PLCB4: variants seen among roughly 807,000 people sequenced by gnomAD.
PLCB4 encodes the protein phospholipase C beta 4, also known as 1-phosphatidylinositol 4,5-bisphosphate phosphodiesterase beta-4.
PLCB4 carries 77 observed loss-of-function variants against 178.8 expected under a neutral mutation model. The ratio of observed to expected loss-of-function variants is 0.43; its 90% CI spans 0.36 to 0.52. The LOEUF is 0.52. Ranked by LOEUF, PLCB4 falls within the 20% of genes least tolerant of loss-of-function variation. PLCB4 has a pLI of 0.00. For missense variants in PLCB4, 1,024 were observed against 1,453.4 expected (o/e 0.70, Z 4.80); for synonymous variants, 496 against 490.8 (o/e 1.01, Z -0.14).
At chr20:9,391,045 C>T (rs1488443797) in intron 17 of PLCB4, among the ~76,000 whole-genome samples, 8 of 152,240 alleles carry the variant, frequency 5.3e-5, no homozygotes, top group South Asian at 4.1e-4. Flanking sequence ...TATATGCACC[C>T]GGTATTCAGA....
intron 2 of PLCB4, among the ~76,000 whole-genome samples, chr20:9,125,537 T>G (rs531385140): frequency 2.0e-5 from 3 of 152,320 alleles, no homozygotes; most frequent in Admixed American, 6.5e-5. Flanking sequence ...ATGAGGGATA[T>G]TCCTACTAGA....
rs553621795 is a variant in PLCB4, at chr20:9,234,500, A to G, written c.-16+17048A>G. On this transcript the variant is annotated intron_variant, in intron 3 of 39. Coordinates refer to ENST00000378473, the MANE Select transcript of PLCB4 (RefSeq NM_001377142.1). ...TGGACAAGTGGTGGGTGAGGTCAGG[A>G]AAAACTTGGAGATTGTAGAATCACT... Among the ~76,000 whole-genome samples, 3 of 152,254 alleles carry G rather than the reference A, an allele frequency of 2.0e-5. No individual in the cohort carries two copies. In the East Asian group the frequency reaches 5.8e-4, roughly 29 times the overall value.
intron 2 of PLCB4, among the ~76,000 whole-genome samples, chr20:9,167,827 T>C (rs1000998745): frequency 2.6e-5 from 4 of 152,200 alleles, no homozygotes; most frequent in Non-Finnish European, 5.9e-5. Context: ...CTTAAACACA[T>C]GTAGTTATGA....
At chr20:9,096,957 C>T (rs1345189616) in intron 2 of PLCB4, among the ~76,000 whole-genome samples, 1 of 151,804 alleles carries the variant, frequency 6.6e-6, no homozygotes, top group African/African-American at 2.4e-5. Context: ...TTTTCTGAGG[C>T]AGAGTCTCGC....
chr20:9,126,653 A>G (rs2092121839), intron 2 of PLCB4, among the ~76,000 whole-genome samples: 1 of 152,070 alleles, frequency 6.6e-6, no homozygotes, highest in Non-Finnish European at 1.5e-5. Context: ...ACAAAGTCCT[A>G]TTGTTGCTTA....
chr20:9,364,147 T>A (rs529616221), intron 8 of PLCB4, among the ~76,000 whole-genome samples: 25 of 152,254 alleles, frequency 1.6e-4, no homozygotes, highest in Non-Finnish European at 3.5e-4. Flanking sequence ...CTATGTGTTG[T>A]GCAGCTGCTT....
At chr20:9,110,407 C>T (rs2091532369) in intron 2 of PLCB4, among the ~76,000 whole-genome samples, 1 of 152,122 alleles carries the variant, frequency 6.6e-6, no homozygotes, top group Non-Finnish European at 1.5e-5. Flanking sequence ...CATTTCTCCT[C>T]TATTTACACT....
At chr20:9,256,983 A>G (rs960868155) in intron 3 of PLCB4, among the ~76,000 whole-genome samples, 3 of 152,198 alleles carry the variant, frequency 2.0e-5, no homozygotes, top group Admixed American at 1.3e-4. Flanking sequence ...GTTCTCATGG[A>G]GGATGATTCC....
At chr20:9,122,531 GGA>G (rs2091992550) in intron 2 of PLCB4, among the ~76,000 whole-genome samples, 1 of 152,140 alleles carries the variant, frequency 6.6e-6, no homozygotes, top group South Asian at 2.1e-4. Context: ...TTCACAATGT[GGA>G]TACTTGGGAA....
At chr20:9,208,169 G>C (rs1321614765) in intron 2 of PLCB4, among the ~76,000 whole-genome samples, 1 of 152,144 alleles carries the variant, frequency 6.6e-6, no homozygotes, top group African/African-American at 2.4e-5. Flanking sequence ...TGCCTTAAGA[G>C]GAAGGGTCCC....
intron 2 of PLCB4, among the ~76,000 whole-genome samples, chr20:9,179,204 C>T (rs2093204955): frequency 6.6e-6 from 1 of 152,042 alleles, no homozygotes; most frequent in Non-Finnish European, 1.5e-5. Flanking sequence ...GGTATTTTTC[C>T]ATTGTGCAGG....
At chr20:9,237,265 C>G (rs111884344) in intron 3 of PLCB4, among the ~76,000 whole-genome samples, 1 of 152,064 alleles carries the variant, frequency 6.6e-6, no homozygotes, top group African/African-American at 2.4e-5. Context: ...TATGTTTAAA[C>G]GACTATATGC....
intron 14 of PLCB4, among the ~76,000 whole-genome samples, chr20:9,385,863 C>G (rs1229869610): frequency 6.6e-6 from 1 of 152,222 alleles, no homozygotes; most frequent in Non-Finnish European, 1.5e-5. Context: ...GGCGGCCGGG[C>G]AGAGGCTGTA....
chr20:9,434,506 G>A (rs6077538), intron 28 of PLCB4, among the ~76,000 whole-genome samples: 35,651 of 151,984 alleles, frequency 0.23, 4,953 homozygotes, highest in African/African-American at 0.37. Flanking sequence ...TTCTCAAGTA[G>A]CTGAGATTAC....
upstream of PLCB4, chr20:9,068,915 G>A (rs1456164196): frequency 6.6e-6 from 1 of 151,230 alleles, no homozygotes; most frequent in East Asian, 2.0e-4. Flanking sequence ...TAAGGACCGC[G>A]CGGCGCGGAG....
chr20:9,455,205 C>G (rs895556432), intron 33 of PLCB4, among the ~76,000 whole-genome samples: 1 of 152,136 alleles, frequency 6.6e-6, no homozygotes, highest in Non-Finnish European at 1.5e-5. Flanking sequence ...CTTTATAGTA[C>G]TCTCCAAGAA....
intron 7 of PLCB4, among the ~76,000 whole-genome samples, chr20:9,353,497 A>T (rs962759977): frequency 6.6e-6 from 1 of 152,222 alleles, no homozygotes; most frequent in Non-Finnish European, 1.5e-5. Context: ...ACTTCTTAAC[A>T]TGATTTAGAA....
chr20:9,213,448 G>A (rs903743275), intron 2 of PLCB4, among the ~76,000 whole-genome samples: 8 of 152,058 alleles, frequency 5.3e-5, no homozygotes, highest in African/African-American at 1.9e-4. Flanking sequence ...CCCAGCCAGC[G>A]TAATGTTTCT....
intron 2 of PLCB4, among the ~76,000 whole-genome samples, chr20:9,188,045 C>G (rs2093351779): frequency 6.6e-6 from 1 of 152,194 alleles, no homozygotes. Flanking sequence ...TTCATTTCAG[C>G]AAAGAGTGAC....
Sources: allele counts gnomAD v4.1 joint callset (sites outside exome capture counted in the v4.1 genomes callset), GRCh38; gene constraint gnomAD v4.1.1; transcripts MANE v1.5; gene names NCBI Gene and HGNC (gene_info 2026-07-23, HGNC 2026-07-21).